XKR6: variants seen among roughly 807,000 people sequenced by gnomAD.
XKR6 encodes XK related 6.
Under a neutral mutation model 56.7 loss-of-function variants are expected in XKR6, and 22 were observed. That is an observed-to-expected ratio of 0.39 (90% CI 0.28 to 0.55). The LOEUF is 0.55. Among genes scored for constraint, XKR6 ranks in the 20% least tolerant of loss-of-function variants. The pLI, the probability that XKR6 is intolerant of heterozygous loss-of-function variation, is 0.66. For missense variants in XKR6, 852 were observed against 889.0 expected, an observed-to-expected ratio of 0.96 and a Z score of 0.53; for synonymous variants, 524 against 387.8, an observed-to-expected ratio of 1.35 and a Z score of -4.13.
At chr8:10,984,705 T>G (rs1797814485) in intron 1 of XKR6, among the ~76,000 whole-genome samples, 1 of 79,742 alleles carries the variant, frequency 1.3e-5, no homozygotes, top group Non-Finnish European at 2.6e-5. Context: ...GCTCTCTCTC[T>G]CTCTCTCTCT....
At chr8:11,087,277 T>TTGGTGAACCGTCCACA (rs1343561965) in intron 1 of XKR6, among the ~76,000 whole-genome samples, 1 of 152,160 alleles carries the variant, frequency 6.6e-6, no homozygotes, top group Non-Finnish European at 1.5e-5. Context: ...GCCTCCACTA[T>TTGGTGAACCGTCCACA]TGGTGAACCG....
chr8:10,974,297 G>A (rs1196614491), intron 1 of XKR6, among the ~76,000 whole-genome samples: 1 of 152,228 alleles, frequency 6.6e-6, no homozygotes, highest in African/African-American at 2.4e-5. Flanking sequence ...GCACCTGAGA[G>A]GGCCTGTGCC....
chr8:11,002,420 G>A (rs1167686120), intron 1 of XKR6: 9 of 404,098 alleles, frequency 2.2e-5, no homozygotes, highest in South Asian at 5.8e-5. Context: ...GGAGGCCCGC[G>A]TGCAGCAGTA....
chr8:11,052,336 G>C (rs1799571243), intron 1 of XKR6, among the ~76,000 whole-genome samples: 1 of 152,194 alleles, frequency 6.6e-6, no homozygotes. Flanking sequence ...CTGTCCCCCA[G>C]CTCTTGTTTC....
intron 2 of XKR6, among the ~76,000 whole-genome samples, chr8:10,911,848 G>T (rs1800381179): frequency 6.7e-6 from 1 of 150,366 alleles, no homozygotes; most frequent in Admixed American, 6.6e-5. Context: ...GAAAGGGAGG[G>T]TGTGTGTATA....
In XKR6 at chr8:11,030,884, C is replaced by A. The variant is rs149932698; in HGVS notation, c.765-106054G>T. ...CCTCATTGACCACCTATGTCACTAC[C>A]ATTCAATAAATGTGGTATTTGTTAC... On this transcript the variant is annotated intron_variant, in intron 1 of 2. Transcript: ENST00000416569. 7.7e-4 allele frequency among the ~76,000 whole-genome samples: 117 copies of A among 152,326 alleles called. 4 individuals carry two copies. The highest frequency in any genetic ancestry group is 1.5e-3 in the South Asian group (7 of 4,822).
At position 10,916,377 on chromosome 8, in the gene XKR6, T is replaced by C. The variant is rs1800564140; in HGVS notation, c.961+8257A>G. 3.3e-5 allele frequency among the ~76,000 whole-genome samples: 5 copies of C among 152,192 alleles called. No homozygotes were observed. In the South Asian group the frequency reaches 1.0e-3, roughly 32 times the overall value. Reference sequence around the variant, plus strand: ...CCTATTTTAACCAAGATCCCAAAGTTTGAAGTAATCACCTTTTGTGTCCTT... The same window carrying C: ...CCTATTTTAACCAAGATCCCAAAGTCTGAAGTAATCACCTTTTGTGTCCTT... On this transcript the variant is annotated intron_variant, in intron 2 of 2. Coordinates refer to ENST00000416569, the MANE Select transcript of XKR6 (RefSeq NM_173683.4).
chr8:11,173,071 C>T (rs1196801885), intron 1 of XKR6, among the ~76,000 whole-genome samples: 1 of 151,758 alleles, frequency 6.6e-6, no homozygotes, highest in Non-Finnish European at 1.5e-5. Context: ...CGCGGTGGCT[C>T]ACGCCTGTAA....
chr8:11,103,359 G>C (rs566570320), intron 1 of XKR6, among the ~76,000 whole-genome samples: 132 of 152,240 alleles, frequency 8.7e-4, no homozygotes, highest in African/African-American at 3.1e-3. Context: ...GTTCAATCAA[G>C]CCACCCAGCC....
intron 1 of XKR6, among the ~76,000 whole-genome samples, chr8:11,107,338 T>C (rs1005118039): frequency 6.6e-6 from 1 of 152,120 alleles, no homozygotes; most frequent in Non-Finnish European, 1.5e-5. Context: ...CAGCTGAGAC[T>C]ACAAGTGCAC....
chr8:11,010,604 T>C, intron 1 of XKR6, among the ~76,000 whole-genome samples: 1 of 152,240 alleles, frequency 6.6e-6, no homozygotes, highest in Non-Finnish European at 1.5e-5. Flanking sequence ...CTATCTTTGA[T>C]TTATTATAAT....
intron 1 of XKR6, chr8:11,126,110 C>T (rs1326326475): frequency 6.6e-6 from 1 of 152,156 alleles, no homozygotes; most frequent in African/African-American, 2.4e-5. Flanking sequence ...CCTCTGTCGC[C>T]CAGACTGAAG....
intron 1 of XKR6, among the ~76,000 whole-genome samples, chr8:11,000,449 A>G (rs1329862422): frequency 1.3e-5 from 2 of 152,144 alleles, no homozygotes; most frequent in African/African-American, 4.8e-5. Flanking sequence ...TCTTTGGGAA[A>G]CTGAGGTGGA....
At chr8:10,964,304 C>A (rs548429175) in intron 1 of XKR6, among the ~76,000 whole-genome samples, 1 of 152,194 alleles carries the variant, frequency 6.6e-6, no homozygotes, top group Non-Finnish European at 1.5e-5. Flanking sequence ...CCTTCTAGGA[C>A]ACCTGTTTGC....
At chr8:11,032,095 C>T (rs1799006672) in intron 1 of XKR6, among the ~76,000 whole-genome samples, 1 of 152,214 alleles carries the variant, frequency 6.6e-6, no homozygotes, top group African/African-American at 2.4e-5. Flanking sequence ...TCCCTTACTA[C>T]TCCTGAATTC....
chr8:10,956,269 C>T (rs148883537), intron 1 of XKR6, among the ~76,000 whole-genome samples: 1,841 of 152,292 alleles, frequency 0.012, 33 homozygotes, highest in African/African-American at 0.041. Context: ...TCCCTCACTC[C>T]GGTTGTCATC....
At chr8:11,156,161 T>G (rs1009036769) in intron 1 of XKR6, among the ~76,000 whole-genome samples, 8 of 152,334 alleles carry the variant, frequency 5.3e-5, no homozygotes, top group African/African-American at 1.9e-4. Flanking sequence ...CCCTTCCCTC[T>G]TCACCTTTTA....
At chr8:11,065,575 A>C (rs1208993106) in intron 1 of XKR6, among the ~76,000 whole-genome samples, 5 of 151,542 alleles carry the variant, frequency 3.3e-5, no homozygotes, top group Non-Finnish European at 4.4e-5. Flanking sequence ...ATTTTTACTT[A>C]ATACGTTTTT....
intron 1 of XKR6, among the ~76,000 whole-genome samples, chr8:11,174,224 AG>A (rs753663232): frequency 6.6e-6 from 1 of 152,256 alleles, no homozygotes; most frequent in Non-Finnish European, 1.5e-5. Context: ...AAATTGCATT[AG>A]GAACACACGT....
Sources: allele counts gnomAD v4.1 joint callset (sites outside exome capture counted in the v4.1 genomes callset), GRCh38; gene constraint gnomAD v4.1.1; transcripts MANE v1.5; gene names NCBI Gene and HGNC (gene_info 2026-07-23, HGNC 2026-07-21).